Variants in SMYD3 observed in about 807,000 individuals in gnomAD.
The protein encoded by SMYD3 is histone-lysine N-methyltransferase SMYD3.
A neutral mutation model predicts 57.7 loss-of-function variants in SMYD3; 36 were observed. That is an observed-to-expected ratio of 0.62 (90% CI 0.48 to 0.82). The LOEUF is 0.82. SMYD3 is among the 40% of genes least tolerant of loss of function. The pLI, the probability that SMYD3 is intolerant of heterozygous loss-of-function variation, is 0.00. For missense variants in SMYD3, 515 were observed against 538.8 expected (o/e 0.96, Z 0.44); for synonymous variants, 211 against 195.0 (o/e 1.08, Z -0.68).
chr1:246,119,785 TCTC>T (rs2061397403), intron 5 of SMYD3, among the ~76,000 whole-genome samples: 1 of 152,166 alleles, frequency 6.6e-6, no homozygotes, highest in African/African-American at 2.4e-5. Flanking sequence ...GCCAGTTTCA[TCTC>T]CTGCCATGTA....
chr1:246,156,628 C>A (rs2062026731), intron 5 of SMYD3, among the ~76,000 whole-genome samples: 1 of 152,190 alleles, frequency 6.6e-6, no homozygotes, highest in Admixed American at 6.5e-5. Flanking sequence ...TCAGTCTCTG[C>A]CCACAGGAGC....
intron 8 of SMYD3, among the ~76,000 whole-genome samples, chr1:245,896,694 T>C (rs1398983323): frequency 6.6e-6 from 1 of 152,202 alleles, no homozygotes; most frequent in Non-Finnish European, 1.5e-5. Flanking sequence ...CAGGAAGCTG[T>C]GGGCCTGAAG....
rs373135251 is a variant in SMYD3 at position 246,505,289 on chromosome 1, A to G, written c.164+1765T>C. Among the ~76,000 whole-genome samples the G allele has an allele frequency of 3.2e-3, 377 of 116,548 alleles. 1 individual carries two copies. Among genetic ancestry groups the G allele is most frequent in the African/African-American group, 0.014 (367 of 26,292 alleles). 76.5% of individuals were successfully genotyped at this position (116,548 alleles called of 152,430 possible). ...GCCAAAAAGGCTAAATACCGTCTCAACCTCCCTCGCGCTAGGGGTGCAGGC... is the reference window on the plus strand; with the variant it reads ...GCCAAAAAGGCTAAATACCGTCTCAGCCTCCCTCGCGCTAGGGGTGCAGGC... On this transcript the variant is annotated intron_variant, in intron 1 of 11. Coordinates refer to ENST00000490107, the MANE Select transcript of SMYD3 (RefSeq NM_001167740.2).
chr1:246,380,643 A>C (rs571077767), intron 1 of SMYD3, among the ~76,000 whole-genome samples: 1 of 152,360 alleles, frequency 6.6e-6, no homozygotes, highest in South Asian at 2.1e-4. Flanking sequence ...TATAAGGATC[A>C]ATAAGACAGT....
chr1:245,861,617 T>A (rs12123089), intron 9 of SMYD3, among the ~76,000 whole-genome samples: 1 of 151,966 alleles, frequency 6.6e-6, no homozygotes, highest in African/African-American at 2.4e-5. Context: ...AGCTTCTCAG[T>A]AGCAATGCAT....
intron 5 of SMYD3, among the ~76,000 whole-genome samples, chr1:246,282,349 AT>A (rs2064469043): frequency 7.1e-6 from 1 of 140,750 alleles, no homozygotes; most frequent in Admixed American, 7.2e-5. Flanking sequence ...AAGCAAAAAA[AT>A]TAGCTGGGGG....
chr1:245,955,823 G>T, intron 5 of SMYD3: 1 of 489,430 alleles, frequency 2.0e-6, no homozygotes, highest in Non-Finnish European at 2.6e-6. Flanking sequence ...GCATACTTTT[G>T]GCTACTTACA....
intron 10 of SMYD3, among the ~76,000 whole-genome samples, chr1:245,775,057 T>C (rs180935528): frequency 1.3e-4 from 20 of 151,970 alleles, no homozygotes; most frequent in African/African-American, 4.8e-4. Flanking sequence ...GGCTACAACC[T>C]CCACCTCCCA....
At chr1:246,401,456 A>C (rs10802403) in intron 1 of SMYD3, among the ~76,000 whole-genome samples, 151,939 of 152,180 alleles carry the variant, frequency 1, 75,849 homozygotes, top group Non-Finnish European at 1. Context: ...GCCTCAGCCT[A>C]CCAAGTAGCT....
intron 5 of SMYD3, among the ~76,000 whole-genome samples, chr1:246,269,273 T>C (rs551171618): frequency 6.6e-6 from 1 of 152,344 alleles, no homozygotes; most frequent in East Asian, 1.9e-4. Flanking sequence ...GAGCCTGTGT[T>C]AGTAACTCAA....
chr1:246,327,385 A>C (rs1443997005), intron 4 of SMYD3, 48 bp from the exon 5 acceptor site: 3 of 1,550,566 alleles, frequency 1.9e-6, no homozygotes, highest in Non-Finnish European at 2.6e-6. Flanking sequence ...TAAACTTCTG[A>C]AGGATAATTT....
chr1:246,024,075 AG>A (rs1471907887), intron 5 of SMYD3, among the ~76,000 whole-genome samples: 1 of 152,206 alleles, frequency 6.6e-6, no homozygotes, highest in African/African-American at 2.4e-5. Context: ...CAGGTAACCT[AG>A]AGGTCAAATT....
At chr1:246,118,998 A>G (rs1558244875) in intron 5 of SMYD3, among the ~76,000 whole-genome samples, 1 of 149,584 alleles carries the variant, frequency 6.7e-6, no homozygotes, top group Non-Finnish European at 1.5e-5. Flanking sequence ...ACTTCCCTCT[A>G]GACGTCATTT....
At chr1:245,834,286 G>A (rs2049994965) in intron 10 of SMYD3, among the ~76,000 whole-genome samples, 1 of 152,190 alleles carries the variant, frequency 6.6e-6, no homozygotes, top group Admixed American at 6.5e-5. Flanking sequence ...GGCTCTGCTT[G>A]CACGTCTGTG....
At chr1:246,312,280 T>C (rs1318500314) in intron 5 of SMYD3, among the ~76,000 whole-genome samples, 1 of 152,106 alleles carries the variant, frequency 6.6e-6, no homozygotes, top group Non-Finnish European at 1.5e-5. Flanking sequence ...AATGATCAAA[T>C]CTGGGTTTTT....
chr1:246,360,674 A>G (rs970270549), intron 1 of SMYD3, among the ~76,000 whole-genome samples: 1 of 152,216 alleles, frequency 6.6e-6, no homozygotes, highest in African/African-American at 2.4e-5. Flanking sequence ...TCTTCAACAA[A>G]GCAAACAAAA....
intron 5 of SMYD3, among the ~76,000 whole-genome samples, chr1:246,013,005 G>T (rs1178894197): frequency 6.6e-6 from 1 of 151,826 alleles, no homozygotes; most frequent in African/African-American, 2.4e-5. Context: ...AACAGAAACA[G>T]GTCTTACATT....
chr1:246,476,043 T>C (rs1247906459), intron 1 of SMYD3, among the ~76,000 whole-genome samples: 2 of 152,234 alleles, frequency 1.3e-5, no homozygotes, highest in Non-Finnish European at 2.9e-5. Context: ...ATAATGACAG[T>C]ATATGATCCT....
intron 10 of SMYD3, among the ~76,000 whole-genome samples, chr1:245,803,916 T>TA (rs1558359036): frequency 1.3e-4 from 4 of 31,670 alleles, no homozygotes; most frequent in Non-Finnish European, 1.2e-4. Context: ...AGTCAGTATT[T>TA]TTTTTTTTTT....
Sources: gnomAD v4.1 joint callset for allele counts (sites outside exome capture counted in the v4.1 genomes callset) on GRCh38, gnomAD v4.1.1 for gene constraint, MANE v1.5 for transcripts, NCBI Gene and HGNC (gene_info 2026-07-23, HGNC 2026-07-21) for gene names.